SVOPL: variants seen among roughly 807,000 people sequenced by gnomAD.
SVOPL encodes the protein putative transporter SVOPL.
In SVOPL, 60 loss-of-function variants were observed where a neutral mutation model predicts 61.0. The observed-to-expected ratio is 0.98, with a 90% confidence interval of 0.80 to 1.22. The LOEUF (loss-of-function observed/expected upper bound fraction) is 1.22. Ranked by LOEUF, SVOPL falls within the 50% of genes most tolerant of loss-of-function variation. SVOPL has a pLI of 0.00. For missense variants in SVOPL, 662 were observed against 643.9 expected (o/e 1.03, Z -0.30); for synonymous variants, 279 against 250.0 (o/e 1.12, Z -1.09).
chr7:138,597,080 G>C, intron 14 of SVOPL: 1 of 1,174,882 alleles, frequency 8.5e-7, no homozygotes, highest in African/African-American at 1.6e-5. Context: ...CAGTAACTGG[G>C]TTTCTGTCCA....
intron 14 of SVOPL, among the ~76,000 whole-genome samples, chr7:138,601,251 CAAAAA>C (rs59761826): frequency 1.0e-5 from 1 of 99,120 alleles, no homozygotes; most frequent in African/African-American, 3.6e-5. Flanking sequence ...GATTCCATCT[CAAAAA>C]AAAAAAAAAA....
Position 138,676,624 on chromosome 7 carries a change from C to T in SVOPL, c.174+1810G>A, listed in dbSNP as rs550213507. Reference sequence around the variant, plus strand: ...ATTCAAACCCTAGCAGTAAACAAGCCTTCATCAGTGCCTCTTAAAGGATCT... The same window carrying T: ...ATTCAAACCCTAGCAGTAAACAAGCTTTCATCAGTGCCTCTTAAAGGATCT... On this transcript the variant is annotated intron_variant, in intron 3 of 15. Transcript: ENST00000674285. Among the ~76,000 whole-genome samples, 23 of 152,304 alleles carry T rather than the reference C, an allele frequency of 1.5e-4. 1 individual carries two copies. In the South Asian group the frequency reaches 4.8e-3, roughly 32 times the overall value.
In SVOPL at chr7:138,655,193, A is replaced by AAAAAG. The variant is rs1050623141; in HGVS notation, c.534+1250_534+1254dup. Reference sequence around the variant, plus strand: ...TGACAGAGCAAGACCCTGTCTCAAAAAAAAGAAAAGAAAAGAAAAATCAGA... The same window carrying AAAAAG: ...TGACAGAGCAAGACCCTGTCTCAAAAAAAAGAAAAGAAAAGAAAAGAAAAATCAGA... On this transcript the variant is annotated intron_variant, in intron 7 of 15. Transcript: ENST00000674285. 8.6e-5 allele frequency among the ~76,000 whole-genome samples: 13 copies of AAAAAG among 151,256 alleles called. No individual in the cohort carries two copies. In the East Asian group the frequency reaches 1.4e-3, roughly 16 times the overall value.
intron 14 of SVOPL, among the ~76,000 whole-genome samples, chr7:138,599,522 G>A (rs1228168234): frequency 1.3e-5 from 2 of 152,134 alleles, no homozygotes; most frequent in African/African-American, 2.4e-5. Flanking sequence ...GCATTGTTTT[G>A]TTGCTTTTTC....
At chr7:138,619,768 C>T (rs1202364099) in intron 14 of SVOPL, among the ~76,000 whole-genome samples, 4 of 152,168 alleles carry the variant, frequency 2.6e-5, no homozygotes, top group Non-Finnish European at 5.9e-5. Flanking sequence ...CTGTGGGCCA[C>T]AACTGAGTTA....
intron 14 of SVOPL, chr7:138,597,247 T>A (rs1275849374): frequency 1.6e-6 from 2 of 1,283,814 alleles, no homozygotes; most frequent in African/African-American, 1.5e-5. Context: ...ACAGCAAAGC[T>A]CTCTAGAATC....
intron 6 of SVOPL, among the ~76,000 whole-genome samples, chr7:138,657,034 G>C (rs1413785031): frequency 7.0e-6 from 1 of 142,626 alleles, no homozygotes. Context: ...GAAACTCCAT[G>C]TTGAAAAGAC....
intron 1 of SVOPL, among the ~76,000 whole-genome samples, chr7:138,686,835 A>T (rs1802828749): frequency 6.6e-6 from 1 of 152,134 alleles, no homozygotes; most frequent in South Asian, 2.1e-4. Context: ...AAGTGCTGGG[A>T]TTACAGGCAT....
At chr7:138,642,519 A>C (rs1800863424) in intron 9 of SVOPL, among the ~76,000 whole-genome samples, 1 of 152,052 alleles carries the variant, frequency 6.6e-6, no homozygotes, top group African/African-American at 2.4e-5. Flanking sequence ...AAATTAAATA[A>C]TTTTCTTTAA....
At chr7:138,667,745 A>G (rs1346144975) in intron 4 of SVOPL, among the ~76,000 whole-genome samples, 2 of 152,162 alleles carry the variant, frequency 1.3e-5, no homozygotes, top group East Asian at 3.9e-4. Context: ...CTTGAAACTG[A>G]CACTGCAAAA....
At chr7:138,654,951 G>T (rs929502192) in intron 7 of SVOPL, among the ~76,000 whole-genome samples, 2 of 150,962 alleles carry the variant, frequency 1.3e-5, no homozygotes, top group Non-Finnish European at 2.9e-5. Flanking sequence ...AGCACTTTAG[G>T]AGGCCAAGGC....
chr7:138,658,166 C>G (rs985780149), intron 6 of SVOPL, among the ~76,000 whole-genome samples: 5 of 152,158 alleles, frequency 3.3e-5, no homozygotes, highest in Non-Finnish European at 7.3e-5. Flanking sequence ...GATCTCCTAT[C>G]TCTTCCTGTG....
At chr7:138,664,354 G>T in intron 4 of SVOPL, 2 of 548,778 alleles carry the variant, frequency 3.6e-6, no homozygotes, top group Non-Finnish European at 4.6e-6. Context: ...CATCGGGCGT[G>T]CGCCTAACCC....
intron 1 of SVOPL, among the ~76,000 whole-genome samples, chr7:138,695,066 T>A (rs1431743794): frequency 2.0e-5 from 3 of 152,192 alleles, no homozygotes; most frequent in African/African-American, 7.2e-5. Flanking sequence ...AATTACATAA[T>A]TTTATAGATG....
At chr7:138,631,729 C>T (rs561410641) in intron 9 of SVOPL, among the ~76,000 whole-genome samples, 2 of 152,158 alleles carry the variant, frequency 1.3e-5, no homozygotes, top group East Asian at 3.9e-4. Flanking sequence ...TCAAATCGTC[C>T]AGCTAATTTT....
chr7:138,626,879 G>A (rs753864304), intron 12 of SVOPL, among the ~76,000 whole-genome samples: 2 of 151,980 alleles, frequency 1.3e-5, no homozygotes, highest in Admixed American at 6.6e-5. Flanking sequence ...CACACCTGCT[G>A]CTACCATCCC....
intron 14 of SVOPL, among the ~76,000 whole-genome samples, chr7:138,617,887 G>T (rs1018806651): frequency 9.2e-5 from 14 of 152,142 alleles, no homozygotes; most frequent in Non-Finnish European, 1.9e-4. Flanking sequence ...TACACAATCG[G>T]CATCTGTGAG....
chr7:138,686,318 G>A (rs1351001929), intron 1 of SVOPL, among the ~76,000 whole-genome samples: 7 of 149,274 alleles, frequency 4.7e-5, no homozygotes, highest in African/African-American at 1.2e-4. Context: ...CAGGAGAATC[G>A]CTTGAACCCC....
rs116160541 is a variant in SVOPL at position 138,690,929 on chromosome 7, T to G, written c.-35+10249A>C. ...CTGGGACTACAGGTGTCCATCACCA[T>G]GCCCGACTAATTTTTTTGTAATTTT... On this transcript the variant is annotated intron_variant, in intron 1 of 15. Coordinates refer to ENST00000674285, the MANE Select transcript of SVOPL (RefSeq NM_001139456.2). 4.7e-3 allele frequency among the ~76,000 whole-genome samples: 721 copies of G among 152,234 alleles called. 4 individuals carry two copies. Among genetic ancestry groups the G allele is most frequent in the African/African-American group, 0.017 (689 of 41,530 alleles).
Sources: gnomAD v4.1 joint callset for allele counts (sites outside exome capture counted in the v4.1 genomes callset) on GRCh38, gnomAD v4.1.1 for gene constraint, MANE v1.5 for transcripts, NCBI Gene and HGNC (gene_info 2026-07-23, HGNC 2026-07-21) for gene names.